Variants in CHPT1 observed in about 807,000 individuals in gnomAD.
CHPT1 encodes the protein cholinephosphotransferase 1.
CHPT1 carries 36 observed loss-of-function variants against 47.6 expected under a neutral mutation model. The ratio of observed to expected loss-of-function variants is 0.76; its 90% CI spans 0.58 to 1.00. CHPT1 has a LOEUF of 1.00. CHPT1 is among the 50% of genes least tolerant of loss of function. The pLI, the probability that CHPT1 is intolerant of heterozygous loss-of-function variation, is 0.00. For synonymous variants in CHPT1, 194 were observed against 186.3 expected (o/e 1.04, Z -0.33); for missense variants, 458 against 498.1 (o/e 0.92, Z 0.77).
At position 101,710,971 on chromosome 12, in the gene CHPT1, A is replaced by T. The variant is rs150661148; in HGVS notation, c.274-3119A>T. Reference sequence around the variant, plus strand: ...AAAACAATTTTTCATAGTAGAAAAAATGGGTAAGAATTTGCTAGTTTGATA... The same window carrying T: ...AAAACAATTTTTCATAGTAGAAAAATTGGGTAAGAATTTGCTAGTTTGATA... On this transcript the variant is annotated intron_variant, in intron 1 of 8. Coordinates refer to ENST00000229266, the MANE Select transcript of CHPT1 (RefSeq NM_020244.3). Among the ~76,000 whole-genome samples, 63 of 148,834 alleles carry T rather than the reference A, an allele frequency of 4.2e-4. 3 individuals carry two copies. Among genetic ancestry groups the T allele is most frequent in the African/African-American group, 1.4e-3 (59 of 41,216 alleles).
intron 7 of CHPT1, among the ~76,000 whole-genome samples, chr12:101,724,981 T>A (rs981952379): frequency 1.3e-5 from 2 of 152,156 alleles, no homozygotes; most frequent in African/African-American, 4.8e-5. Flanking sequence ...ACCCACTGGT[T>A]GTCACCAAAT....
intron 1 of CHPT1, among the ~76,000 whole-genome samples, chr12:101,701,986 C>T (rs1468528036): frequency 2.0e-5 from 3 of 152,186 alleles, no homozygotes; most frequent in Admixed American, 1.3e-4. Context: ...ACTTTGTCTC[C>T]TCACTTTGAT....
intron 7 of CHPT1, among the ~76,000 whole-genome samples, chr12:101,724,577 A>AAT (rs1383785834): frequency 1.8e-4 from 27 of 152,178 alleles, no homozygotes; most frequent in Non-Finnish European, 3.7e-4. Context: ...AACAAAACAG[A>AAT]ATAGACAGTG....
At chr12:101,713,640 T>A (rs920187484) in intron 1 of CHPT1, among the ~76,000 whole-genome samples, 17 of 152,162 alleles carry the variant, frequency 1.1e-4, no homozygotes, top group Non-Finnish European at 7.3e-5. Flanking sequence ...TTTGTTTTTT[T>A]AAAAATATAT....
chr12:101,714,867 T>C (rs1213463078), intron 3 of CHPT1: 1 of 367,262 alleles, frequency 2.7e-6, no homozygotes, highest in African/African-American at 2.1e-5. Context: ...TCTCCTCTTC[T>C]CCAACTTAAT....
intron 1 of CHPT1, among the ~76,000 whole-genome samples, chr12:101,706,017 T>C (rs1951626792): frequency 6.6e-6 from 1 of 151,982 alleles, no homozygotes; most frequent in Admixed American, 6.6e-5. Context: ...CAGCCTGATT[T>C]TCATCATCTA....
intron 1 of CHPT1, among the ~76,000 whole-genome samples, chr12:101,709,183 G>A (rs1010708244): frequency 6.8e-6 from 1 of 147,616 alleles, no homozygotes; most frequent in Non-Finnish European, 1.5e-5. Flanking sequence ...ATAGTTTGAG[G>A]CCAGGAGTTT....
intron 1 of CHPT1, among the ~76,000 whole-genome samples, chr12:101,703,402 A>G (rs1452761046): frequency 6.6e-6 from 1 of 152,244 alleles, no homozygotes; most frequent in African/African-American, 2.4e-5. Context: ...GTACAGATTT[A>G]TCAGGTCATG....
intron 4 of CHPT1, chr12:101,717,102 A>G (rs1951775245): frequency 5.1e-6 from 2 of 390,922 alleles, no homozygotes; most frequent in Admixed American, 3.6e-5. Flanking sequence ...CAAAAAACAC[A>G]CATTGGAATA....
intron 3 of CHPT1, among the ~76,000 whole-genome samples, chr12:101,715,708 T>A (rs142147021): frequency 1.5e-3 from 222 of 152,208 alleles, no homozygotes; most frequent in African/African-American, 4.0e-3. Context: ...TAGATGGTAG[T>A]TTTAAGTATA....
In CHPT1 at chr12:101,723,181, T is replaced by C. The variant is rs1951884360; in HGVS notation, c.794T>C (p.Leu265Ser). The change falls in exon 6 of 9, where the codon TTG (leucine) becomes TCG (serine). Residue 265 changes from leucine (L) to serine (S), a missense_variant. Physicochemically the swap from Leu to Ser is moderately radical, Grantham distance 145. Transcript: ENST00000229266. ...NGSTIAGTSVLSPGLHIGLII... is the reference protein window; with the variant it reads ...NGSTIAGTSVSSPGLHIGLII... ...TTTATCCCTTAGGGCACCAGTGTCT[T>C]GTCACCTGGACTCCACATAGGACTA... 6.2e-7 allele frequency: 1 copy of C among 1,612,556 alleles called. No homozygotes were observed. Among genetic ancestry groups the C allele is most frequent in the Non-Finnish European group, 8.5e-7 (1 of 1,179,006 alleles).
intron 2 of CHPT1, 26 bp downstream of exon 2, chr12:101,714,263 T>C: frequency 2.6e-6 from 4 of 1,535,088 alleles, no homozygotes; most frequent in Non-Finnish European, 3.5e-6. Context: ...TTTTTATTTT[T>C]TTATGATACC....
Position 101,710,125 on chromosome 12 carries a change from A to G in CHPT1, c.274-3965A>G, listed in dbSNP as rs550644915. 2.0e-5 allele frequency among the ~76,000 whole-genome samples: 3 copies of G among 149,040 alleles called. 1 individual carries two copies. The East Asian group carries it at 6.0e-4, about 30-fold the overall frequency. On this transcript the variant is annotated intron_variant, in intron 1 of 8. Coordinates refer to ENST00000229266, the MANE Select transcript of CHPT1 (RefSeq NM_020244.3). ...TTTGGGAGGCTGAGGCAGGTGGATC[A>G]TTTAAGGTCAGGAGTTGGAGACCGG...
intron 1 of CHPT1, among the ~76,000 whole-genome samples, chr12:101,711,450 C>G (rs552897827): frequency 6.8e-6 from 1 of 147,848 alleles, no homozygotes; most frequent in African/African-American, 2.4e-5. Flanking sequence ...ATGGTATGAT[C>G]TTGATCTCGC....
intron 1 of CHPT1, among the ~76,000 whole-genome samples, chr12:101,704,226 G>A (rs1951597145): frequency 6.6e-6 from 1 of 151,538 alleles, no homozygotes; most frequent in African/African-American, 2.4e-5. Context: ...TTTACGTAAT[G>A]AACATTGTAT....
intron 8 of CHPT1, chr12:101,726,738 T>A: frequency 2.9e-6 from 1 of 346,784 alleles, no homozygotes; most frequent in Non-Finnish European, 5.2e-6. Context: ...CACAGGGTTT[T>A]CACTGCCAAA....
At chr12:101,698,198 C>CG (rs200252572) in intron 1 of CHPT1, 64 bp downstream of exon 1, 37,340 of 1,370,010 alleles carry the variant, frequency 0.027, 604 homozygotes, top group Non-Finnish European at 0.032. Flanking sequence ...CTGGAGGCGC[C>CG]GGGGGAAGGG....
chr12:101,702,193 T>C (rs1203542565), intron 1 of CHPT1, among the ~76,000 whole-genome samples: 1 of 152,240 alleles, frequency 6.6e-6, no homozygotes, highest in East Asian at 1.9e-4. Flanking sequence ...CTAGTAGCAG[T>C]CTCTCCTACT....
chr12:101,700,416 A>G (rs1951538464), intron 1 of CHPT1, among the ~76,000 whole-genome samples: 1 of 152,134 alleles, frequency 6.6e-6, no homozygotes, highest in Admixed American at 6.5e-5. Flanking sequence ...AATGAGAGTT[A>G]AAAACAAGAG....
Sources: gnomAD v4.1 joint callset for allele counts (sites outside exome capture counted in the v4.1 genomes callset) on GRCh38, gnomAD v4.1.1 for gene constraint, MANE v1.5 for transcripts, NCBI Gene and HGNC (gene_info 2026-07-23, HGNC 2026-07-21) for gene names.